ZFTRAF1: variants seen among roughly 807,000 people sequenced by gnomAD.
The protein encoded by ZFTRAF1 is zinc finger TRAF-type and ring finger containing 1, also known as zinc finger TRAF-type-containing protein 1.
chr8:144,462,224 C>T, the ZFTRAF1 span: 3 of 472,140 alleles, frequency 6.4e-6, no homozygotes, highest in East Asian at 8.1e-5. Context: ...ATCCTGGGGC[C>T]CCGCGGCGGG....
chr8:144,450,272 T>C, the ZFTRAF1 span: 1 of 632,602 alleles, frequency 1.6e-6, no homozygotes, highest in Non-Finnish European at 2.9e-6. Context: ...TTCTCCTCCT[T>C]TGCTAAAGTG....
the ZFTRAF1 span, among the ~76,000 whole-genome samples, chr8:144,461,787 G>A: frequency 6.6e-6 from 1 of 152,206 alleles, no homozygotes. Flanking sequence ...TAGAAAAGGA[G>A]GCGTCCATAG....
chr8:144,453,158 C>T, the ZFTRAF1 span: 2 of 1,424,592 alleles, frequency 1.4e-6, no homozygotes, highest in Non-Finnish European at 1.9e-6. Context: ...CCCTGCTGCA[C>T]CAGGGTGGGC....
At chr8:144,452,669 C>T in the ZFTRAF1 span, 1 of 1,154,972 alleles carries the variant, frequency 8.7e-7, no homozygotes, top group Non-Finnish European at 1.2e-6. Context: ...AGAACCCCTT[C>T]CTGCAGGACA....
the ZFTRAF1 span, chr8:144,452,701 C>T: frequency 2.4e-6 from 2 of 822,362 alleles, no homozygotes; most frequent in Non-Finnish European, 3.8e-6. Context: ...GAGCCCACCC[C>T]CCAGGATGAG....
chr8:144,461,953 G>C, the ZFTRAF1 span, among the ~76,000 whole-genome samples: 85 of 152,298 alleles, frequency 5.6e-4, no homozygotes, highest in Non-Finnish European at 2.2e-4. Context: ...CTGTGGGTTG[G>C]GAGAGTGTTC....
At chr8:144,452,448 AG>A in the ZFTRAF1 span, 1 of 1,549,760 alleles carries the variant, frequency 6.5e-7, no homozygotes. Context: ...CATCCCATCC[AG>A]GATCTCCATC....
At chr8:144,462,832 A>T in the ZFTRAF1 span, 1 of 150,514 alleles carries the variant, frequency 6.6e-6, no homozygotes, top group East Asian at 2.0e-4. Context: ...GCGGCCACCG[A>T]CCCCGGCACG....
At chr8:144,450,357 T>G in the ZFTRAF1 span, 1 of 707,008 alleles carries the variant, frequency 1.4e-6, no homozygotes, top group Non-Finnish European at 2.6e-6. Flanking sequence ...CGTGGGCTCC[T>G]CGGACATCCT....
the ZFTRAF1 span, among the ~76,000 whole-genome samples, chr8:144,459,768 G>A: frequency 2.0e-5 from 3 of 152,202 alleles, no homozygotes; most frequent in Admixed American, 1.3e-4. Flanking sequence ...TCTCACCAGA[G>A]TCAGGGACTG....
At chr8:144,453,118 G>T in the ZFTRAF1 span, 2 of 1,039,928 alleles carry the variant, frequency 1.9e-6, no homozygotes, top group Non-Finnish European at 1.4e-6. Flanking sequence ...GGCCCAGACA[G>T]CAGAGACAGC....
the ZFTRAF1 span, chr8:144,451,085 C>A: frequency 6.1e-6 from 2 of 325,540 alleles, no homozygotes; most frequent in South Asian, 6.4e-5. Context: ...CCCCGGGTGT[C>A]CCCCAGGGCG....
At chr8:144,450,623 G>C in the ZFTRAF1 span, 1 of 717,924 alleles carries the variant, frequency 1.4e-6, no homozygotes, top group African/African-American at 1.7e-5. Flanking sequence ...GAAGGAGAGC[G>C]TACGCTTGCA....
the ZFTRAF1 span, among the ~76,000 whole-genome samples, chr8:144,458,103 G>T: frequency 6.6e-6 from 1 of 152,226 alleles, no homozygotes; most frequent in Non-Finnish European, 1.5e-5. Context: ...CTAACCTCCC[G>T]AATCAAACAT....
chr8:144,452,787 T>C, the ZFTRAF1 span, among the ~76,000 whole-genome samples: 1 of 152,188 alleles, frequency 6.6e-6, no homozygotes, highest in Non-Finnish European at 1.5e-5. Context: ...AGTGCAAGCT[T>C]GAGCCTGTGT....
the ZFTRAF1 span, among the ~76,000 whole-genome samples, chr8:144,460,507 A>G: frequency 2.6e-5 from 4 of 152,216 alleles, no homozygotes; most frequent in Non-Finnish European, 4.4e-5. Flanking sequence ...CCCACCCACC[A>G]ATGGGGAGAC....
the ZFTRAF1 span, chr8:144,452,241 G>T: frequency 8.5e-7 from 1 of 1,174,194 alleles, no homozygotes; most frequent in Non-Finnish European, 1.2e-6. Context: ...CTTGTCCAGA[G>T]CCCGGCTGTC....
the ZFTRAF1 span, chr8:144,451,939 A>C: frequency 3.6e-6 from 1 of 276,820 alleles, no homozygotes; most frequent in African/African-American, 2.2e-5. Flanking sequence ...TGCAGGTAGG[A>C]CCTCACTCGG....
chr8:144,461,664 T>C, the ZFTRAF1 span, among the ~76,000 whole-genome samples: 1 of 152,186 alleles, frequency 6.6e-6, no homozygotes, highest in Non-Finnish European at 1.5e-5. Context: ...GTACCCAAAC[T>C]GTGGGGCTTG....
Sources: gnomAD v4.1 joint callset for allele counts (sites outside exome capture counted in the v4.1 genomes callset) on GRCh38, gnomAD v4.1.1 for gene constraint, MANE v1.5 for transcripts, NCBI Gene and HGNC (gene_info 2026-07-23, HGNC 2026-07-21) for gene names.